Variants in ACAD11 observed in about 807,000 individuals in gnomAD.
ACAD11 encodes the protein acyl-CoA dehydrogenase family member 11, also known as acyl-Coenzyme A dehydrogenase family, member 11.
ACAD11 carries 83 observed loss-of-function variants against 102.2 expected under a neutral mutation model. The observed-to-expected ratio is 0.81, with a 90% confidence interval of 0.68 to 0.97. The LOEUF is 0.97. Ranked by LOEUF, ACAD11 falls within the 50% of genes least tolerant of loss-of-function variation. The probability of loss-of-function intolerance (pLI) is 0.00; values close to 1 mark genes in which losing one functional copy is unlikely to be tolerated. For synonymous variants in ACAD11, 324 were observed against 319.8 expected (o/e 1.01, Z -0.14); for missense variants, 901 against 951.7 (o/e 0.95, Z 0.70).
At position 132,632,147 on chromosome 3, in the gene ACAD11, G is replaced by A. The variant is rs933795214; in HGVS notation, c.703-668C>T. ...CTCCCAGGCTGGAGTGCAGTGGCGC[G>A]ATCTCTGCTCACTGCAAGCTCCGCC... On this transcript the variant is annotated intron_variant, in intron 5 of 19. Coordinates refer to ENST00000264990, the MANE Select transcript of ACAD11 (RefSeq NM_032169.5). Among the ~76,000 whole-genome samples, 18 of 150,954 alleles carry A rather than the reference G, an allele frequency of 1.2e-4. No homozygotes were observed. In the East Asian group the frequency reaches 3.5e-3, roughly 30 times the overall value.
intron 13 of ACAD11, chr3:132,600,277 T>C: frequency 1.1e-6 from 1 of 898,384 alleles, no homozygotes; most frequent in Non-Finnish European, 1.7e-6. Flanking sequence ...GGCTCACATA[T>C]GTTACAGCAA....
chr3:132,587,150 A>G lies in ACAD11; in HGVS notation c.1622-7592T>C, dbSNP rs1377766471. The stretch of plus-strand genomic sequence containing the variant: ...GGTACGTGCACTGACATTAGACAAC[A>G]AAGACCCTTAATTCAGGTTAAACAC... On this transcript the variant is annotated intron_variant, in intron 13 of 19. Transcript: ENST00000264990. Among the ~76,000 whole-genome samples the G allele has an allele frequency of 4.6e-5, 7 of 152,288 alleles. No homozygotes were observed. The South Asian group carries it at 6.2e-4, about 14-fold the overall frequency.
chr3:132,560,018 A>C, intron 18 of ACAD11, 76 bp from the exon 19 acceptor site: 3 of 1,220,758 alleles, frequency 2.5e-6, no homozygotes, highest in Non-Finnish European at 3.5e-6. Context: ...AAATGAAACA[A>C]GGAAACTTTC....
chr3:132,644,212 T>C (rs1323020184), intron 2 of ACAD11, among the ~76,000 whole-genome samples: 4 of 152,170 alleles, frequency 2.6e-5, no homozygotes, highest in Admixed American at 6.5e-5. Context: ...CACAGTGCTT[T>C]TAATGTTCCC....
chr3:132,610,549 C>A (rs182361620), intron 11 of ACAD11, among the ~76,000 whole-genome samples: 2 of 151,968 alleles, frequency 1.3e-5, no homozygotes, highest in Non-Finnish European at 1.5e-5. Flanking sequence ...ATATCACCAC[C>A]GATCCCACAG....
At chr3:132,653,842 T>G (rs553361940) in intron 1 of ACAD11, among the ~76,000 whole-genome samples, 1 of 152,346 alleles carries the variant, frequency 6.6e-6, no homozygotes, top group African/African-American at 2.4e-5. Flanking sequence ...GGACTCAGTC[T>G]CCAAACCTCC....
At chr3:132,632,623 T>C (rs1219456920) in intron 5 of ACAD11, among the ~76,000 whole-genome samples, 1 of 152,180 alleles carries the variant, frequency 6.6e-6, no homozygotes, top group African/African-American at 2.4e-5. Context: ...AGAAAGTCAT[T>C]GGTAGCTTGA....
At chr3:132,600,464 G>T (rs758894103) in intron 13 of ACAD11, 19 of 1,613,308 alleles carry the variant, frequency 1.2e-5, no homozygotes, top group Non-Finnish European at 1.4e-5. Context: ...TGGCACTTAT[G>T]ACTACAGTCA....
At chr3:132,579,790 A>G (rs1021413141) in intron 13 of ACAD11, among the ~76,000 whole-genome samples, 6 of 152,174 alleles carry the variant, frequency 3.9e-5, no homozygotes, top group Non-Finnish European at 8.8e-5. Context: ...AAAAATAACC[A>G]GAAGTCAAAG....
At chr3:132,559,780 T>G in intron 19 of ACAD11, 53 bp downstream of exon 19, 1 of 1,451,448 alleles carries the variant, frequency 6.9e-7, no homozygotes, top group African/African-American at 1.4e-5. Flanking sequence ...TCTGTAGATT[T>G]TTTACCTCCA....
intron 2 of ACAD11, among the ~76,000 whole-genome samples, chr3:132,644,250 T>C (rs1940633790): frequency 6.6e-6 from 1 of 152,196 alleles, no homozygotes; most frequent in Admixed American, 6.5e-5. Flanking sequence ...TCCCCTCCTG[T>C]TCTCTGAAAA....
intron 17 of ACAD11, among the ~76,000 whole-genome samples, chr3:132,568,801 CAAA>C (rs755568917): frequency 8.7e-5 from 6 of 68,674 alleles, no homozygotes; most frequent in South Asian, 4.7e-4. Flanking sequence ...CATCCACAGG[CAAA>C]AAAAAAAAAA....
At position 132,643,951 on chromosome 3, in the gene ACAD11, T is replaced by C. The variant is rs140725069; in HGVS notation, c.249+846A>G. ...GAAAAGAGACAAATAAAACTGTTTA[T>C]TGGGGCACGGGTGGGGATTTTCCTT... is the stretch of plus-strand genomic sequence containing the variant. On this transcript the variant is annotated intron_variant, in intron 2 of 19. Transcript: ENST00000264990. Among the ~76,000 whole-genome samples, 755 of 152,240 alleles carry C rather than the reference T, an allele frequency of 5.0e-3. 5 individuals are homozygous for C. The highest frequency in any genetic ancestry group is 0.017 in the African/African-American group (700 of 41,522).
At chr3:132,571,439 A>G (rs989204625) in intron 17 of ACAD11, among the ~76,000 whole-genome samples, 2 of 151,444 alleles carry the variant, frequency 1.3e-5, no homozygotes, top group Non-Finnish European at 2.9e-5. Flanking sequence ...ATTTTCTCCA[A>G]TTCTGTAGGT....
intron 17 of ACAD11, 77 bp from the exon 18 acceptor site, chr3:132,561,294 A>C (rs750972956): frequency 9.2e-7 from 1 of 1,087,780 alleles, no homozygotes; most frequent in Non-Finnish European, 1.4e-6. Flanking sequence ...ACAGTCTTAT[A>C]GTTTGGTGAA....
chr3:132,561,180 G>A lies in ACAD11; in HGVS notation c.2039C>T (p.Ala680Val). The A allele has an allele frequency of 2.5e-6, 4 of 1,613,402 alleles. No individual in the cohort carries two copies. The highest frequency in any genetic ancestry group is 3.4e-6 in the Non-Finnish European group (4 of 1,179,594). The change falls in exon 18 of 20, where the codon GCC becomes GTC. Residue 680 changes from alanine (A) to valine (V), a missense_variant. Coordinates refer to ENST00000264990, the MANE Select transcript of ACAD11 (RefSeq NM_032169.5). ...AGTCAACAAGCGGATCTTCTCAATG[G>A]CAATGCGGCTTTCAGCAATCCAGTG... ...VAHWIAESRI[A>V]IEKIRLLTLK... is the part of the protein sequence containing the mutation.
intron 4 of ACAD11, among the ~76,000 whole-genome samples, chr3:132,641,598 A>AGG (rs1940509702): frequency 6.8e-6 from 1 of 146,558 alleles, no homozygotes; most frequent in South Asian, 2.2e-4. Context: ...GAAGAAGAAG[A>AGG]AGAAGAGGAG....
At chr3:132,657,435 T>C (rs921880753) in intron 1 of ACAD11, among the ~76,000 whole-genome samples, 1 of 152,214 alleles carries the variant, frequency 6.6e-6, no homozygotes, top group East Asian at 1.9e-4. Flanking sequence ...CTCTTACACA[T>C]AAAATTTAGG....
chr3:132,584,984 GA>G, intron 13 of ACAD11, among the ~76,000 whole-genome samples: 1 of 152,152 alleles, frequency 6.6e-6, no homozygotes, highest in Non-Finnish European at 1.5e-5. Context: ...CACAGAATTG[GA>G]AAAAACTACT....
Sources: gnomAD v4.1 joint callset for allele counts (sites outside exome capture counted in the v4.1 genomes callset) on GRCh38, gnomAD v4.1.1 for gene constraint, MANE v1.5 for transcripts, NCBI Gene and HGNC (gene_info 2026-07-23, HGNC 2026-07-21) for gene names.